LRMDA: variants seen among roughly 807,000 people sequenced by gnomAD.
LRMDA encodes leucine rich melanocyte differentiation associated.
In LRMDA, 18 loss-of-function variants were observed where a neutral mutation model predicts 29.8. The ratio of observed to expected loss-of-function variants is 0.60; its 90% CI spans 0.42 to 0.90. LRMDA has a LOEUF of 0.90. Among genes scored for constraint, LRMDA ranks in the 40% least tolerant of loss-of-function variants. LRMDA has a pLI of 0.00. For synonymous variants in LRMDA, 125 were observed against 109.4 expected (o/e 1.14, Z -0.89); for missense variants, 273 against 273.9 (o/e 1.00, Z 0.02).
chr10:75,653,784 C>T (rs1043657905), intron 2 of LRMDA, among the ~76,000 whole-genome samples: 1 of 152,208 alleles, frequency 6.6e-6, no homozygotes, highest in Admixed American at 6.5e-5. Flanking sequence ...TGAAAATGCA[C>T]TCCTTGAAAC....
At chr10:76,503,738 C>T (rs1433749723) in intron 6 of LRMDA, among the ~76,000 whole-genome samples, 1 of 151,544 alleles carries the variant, frequency 6.6e-6, no homozygotes, top group Admixed American at 6.6e-5. Flanking sequence ...ATTAGTCTAG[C>T]TAGAGATCTA....
At chr10:75,603,834 T>C (rs565240883) in intron 2 of LRMDA, among the ~76,000 whole-genome samples, 6 of 152,334 alleles carry the variant, frequency 3.9e-5, no homozygotes, top group Admixed American at 3.9e-4. Context: ...GTTTTTTTGA[T>C]CATAAAATTA....
intron 2 of LRMDA, among the ~76,000 whole-genome samples, chr10:75,836,376 G>A (rs916274359): frequency 6.6e-6 from 1 of 152,162 alleles, no homozygotes; most frequent in Non-Finnish European, 1.5e-5. Flanking sequence ...ATCAGGTCAA[G>A]GAATTTAAGC....
At chr10:76,389,130 G>GGACA (rs1474785735) in intron 6 of LRMDA, among the ~76,000 whole-genome samples, 2 of 152,142 alleles carry the variant, frequency 1.3e-5, no homozygotes, top group Non-Finnish European at 1.5e-5. Context: ...CTAATAAAAT[G>GGACA]GACAGTAGTT....
chr10:75,586,369 T>A (rs1376155338), intron 2 of LRMDA, among the ~76,000 whole-genome samples: 3 of 113,378 alleles, frequency 2.6e-5, no homozygotes, highest in Admixed American at 1.1e-4. Flanking sequence ...TTTTTTTTTT[T>A]AAATTAGAGA....
intron 2 of LRMDA, among the ~76,000 whole-genome samples, chr10:75,561,660 G>A (rs976236720): frequency 1.3e-5 from 2 of 150,640 alleles, no homozygotes; most frequent in African/African-American, 2.4e-5. Flanking sequence ...TTTCTCTTGT[G>A]GGCATTTAGT....
chr10:76,096,327 GT>G (rs879481049), intron 5 of LRMDA, among the ~76,000 whole-genome samples: 1 of 151,770 alleles, frequency 6.6e-6, no homozygotes, highest in African/African-American at 2.4e-5. Flanking sequence ...GGTTGTTTTT[GT>G]TTTTTTGTAT....
chr10:75,432,768 G>A (rs1285376573), intron 1 of LRMDA, among the ~76,000 whole-genome samples: 36 of 152,220 alleles, frequency 2.4e-4, no homozygotes, highest in Non-Finnish European at 1.5e-5. Context: ...CAGATGCAGT[G>A]AGGGCCAACT....
chr10:76,444,285 A>G (rs1842331990), intron 6 of LRMDA, among the ~76,000 whole-genome samples: 1 of 152,202 alleles, frequency 6.6e-6, no homozygotes, highest in Non-Finnish European at 1.5e-5. Flanking sequence ...GGACCCACCC[A>G]GGCTCAGCCC....
At chr10:75,608,508 T>C (rs1250410733) in intron 2 of LRMDA, among the ~76,000 whole-genome samples, 1 of 152,128 alleles carries the variant, frequency 6.6e-6, no homozygotes, top group Admixed American at 6.5e-5. Context: ...CAAAAAATGG[T>C]AACTATGTGA....
intron 2 of LRMDA, among the ~76,000 whole-genome samples, chr10:75,590,726 C>CTTTTTTTTTTTTTTTTTTTTTTTTTTTT (rs67966004): frequency 1.4e-5 from 1 of 71,384 alleles, no homozygotes; most frequent in Non-Finnish European, 2.5e-5. Flanking sequence ...ATAAAATAGT[C>CTTTTTTTTTTTTTTTTTTTTTTTTTTTT]TTTTTTTTTT....
At chr10:76,217,795 T>G (rs987802730) in intron 5 of LRMDA, among the ~76,000 whole-genome samples, 4 of 152,204 alleles carry the variant, frequency 2.6e-5, no homozygotes, top group Non-Finnish European at 2.9e-5. Context: ...TTACTTCCCA[T>G]ATTAAATACA....
chr10:75,633,102 T>C (rs564158591), intron 2 of LRMDA, among the ~76,000 whole-genome samples: 1 of 152,228 alleles, frequency 6.6e-6, no homozygotes, highest in South Asian at 2.1e-4. Flanking sequence ...TATTTACATA[T>C]AGTCTGGAAA....
At chr10:76,280,034 A>C (rs1380318576) in intron 5 of LRMDA, among the ~76,000 whole-genome samples, 1 of 152,194 alleles carries the variant, frequency 6.6e-6, no homozygotes, top group African/African-American at 2.4e-5. Context: ...GACTGGTGAA[A>C]TTAGATGTTT....
At chr10:75,759,643 A>C (rs190669847) in intron 2 of LRMDA, among the ~76,000 whole-genome samples, 29 of 152,322 alleles carry the variant, frequency 1.9e-4, no homozygotes, top group Non-Finnish European at 3.1e-4. Context: ...ACAGTAATGA[A>C]TTTTAACACT....
Position 75,852,545 on chromosome 10 carries a change from A to C in LRMDA, c.132-183463A>C, listed in dbSNP as rs544075867. Among the ~76,000 whole-genome samples the C allele has an allele frequency of 7.9e-4, 120 of 152,222 alleles. 1 individual carries two copies. Among genetic ancestry groups the C allele is most frequent in the African/African-American group, 2.4e-3 (101 of 41,538 alleles). On this transcript the variant is annotated intron_variant, in intron 2 of 6. Transcript: ENST00000611255. ...AGCAAAACAACAACAACAACAACAA[A>C]AAAAACAACAAAAAAATAGTAATCT...
chr10:75,436,121 T>C (rs994402481), intron 1 of LRMDA, among the ~76,000 whole-genome samples: 13 of 151,726 alleles, frequency 8.6e-5, no homozygotes, highest in Non-Finnish European at 1.9e-4. Flanking sequence ...AAGCACTCCA[T>C]GGCCCCCAAG....
intron 5 of LRMDA, among the ~76,000 whole-genome samples, chr10:76,101,503 A>G (rs1359503228): frequency 1.3e-5 from 2 of 152,190 alleles, no homozygotes; most frequent in African/African-American, 2.4e-5. Flanking sequence ...TTGGGAGGCC[A>G]AGGCAGGCGG....
In LRMDA at chr10:75,693,638, C is replaced by T. The variant is rs181503178; in HGVS notation, c.131+255144C>T. On this transcript the variant is annotated intron_variant, in intron 2 of 6. Transcript: ENST00000611255. The stretch of plus-strand genomic sequence containing the variant: ...TGCCTTGTTTTATATTGGCTGTCAG[C>T]GCTTAACTGGGACTGAAGTATCTGG... Among the ~76,000 whole-genome samples the T allele has an allele frequency of 1.9e-3, 287 of 152,234 alleles. 1 individual carries two copies. The highest frequency in any genetic ancestry group is 6.3e-3 in the African/African-American group (263 of 41,520).
Sources: gnomAD v4.1 joint callset for allele counts (sites outside exome capture counted in the v4.1 genomes callset) on GRCh38, gnomAD v4.1.1 for gene constraint, MANE v1.5 for transcripts, NCBI Gene and HGNC (gene_info 2026-07-23, HGNC 2026-07-21) for gene names.